The following PSD3 variants were observed in gnomAD, a reference collection of about 807,000 sequenced individuals.
PSD3 encodes PH and SEC7 domain-containing protein 3.
In PSD3, 49 loss-of-function variants were observed where a neutral mutation model predicts 105.5. The observed-to-expected ratio is 0.46, with a 90% confidence interval of 0.37 to 0.59. The LOEUF is 0.59. Among genes scored for constraint, PSD3 ranks in the 20% least tolerant of loss-of-function variants. PSD3 has a pLI of 0.00. For synonymous variants in PSD3, 557 were observed against 457.8 expected (o/e 1.22, Z -2.77); for missense variants, 1,561 against 1,263.8 (o/e 1.24, Z -3.57).
At chr8:18,807,182 A>G (rs1407989094) in intron 4 of PSD3, among the ~76,000 whole-genome samples, 1 of 152,134 alleles carries the variant, frequency 6.6e-6, no homozygotes, top group Non-Finnish European at 1.5e-5. Flanking sequence ...ATTCTACCTC[A>G]TTTACAAGTT....
intron 8 of PSD3, among the ~76,000 whole-genome samples, chr8:18,774,381 T>C (rs2129444652): frequency 6.6e-6 from 1 of 152,312 alleles, no homozygotes; most frequent in East Asian, 1.9e-4. Flanking sequence ...TTGGGAACAT[T>C]TCAATTGCTC....
Position 18,980,853 on chromosome 8 carries a change from AGTGC to A in PSD3, c.21+32706_21+32709del, listed in dbSNP as rs1465884541. Among the ~76,000 whole-genome samples, 17 of 152,164 alleles carry A rather than the reference AGTGC, an allele frequency of 1.1e-4. No homozygotes were observed. In the East Asian group the frequency reaches 3.1e-3, roughly 28 times the overall value. The stretch of plus-strand genomic sequence containing the variant: ...TCCCCACTCCTAATTCGGAACACTG[AGTGC>A]TTCCGCCACAGTGAACCTCTTTCAG... On this transcript the variant is annotated intron_variant, in intron 1 of 15. Coordinates refer to ENST00000327040, the MANE Select transcript of PSD3 (RefSeq NM_015310.4).
At chr8:18,700,665 C>T (rs565225021) in intron 9 of PSD3, among the ~76,000 whole-genome samples, 3 of 152,374 alleles carry the variant, frequency 2.0e-5, no homozygotes, top group African/African-American at 7.2e-5. Flanking sequence ...ATGGGTTTCA[C>T]ACCATCACAC....
intron 4 of PSD3, among the ~76,000 whole-genome samples, chr8:18,810,151 G>A (rs1316296326): frequency 1.3e-5 from 2 of 152,058 alleles, no homozygotes; most frequent in Non-Finnish European, 2.9e-5. Context: ...GCCCTACCAT[G>A]CCAAATTCTG....
intron 4 of PSD3, among the ~76,000 whole-genome samples, chr8:18,862,281 AC>A (rs1212539881): frequency 1.3e-5 from 2 of 152,022 alleles, no homozygotes; most frequent in Non-Finnish European, 2.9e-5. Context: ...AAAAATACGC[AC>A]CTAGAAAGTG....
chr8:18,642,440 T>A (rs1807716868), intron 10 of PSD3, among the ~76,000 whole-genome samples: 1 of 152,194 alleles, frequency 6.6e-6, no homozygotes, highest in African/African-American at 2.4e-5. Context: ...ATTCAGAAAC[T>A]ATATTTATTA....
chr8:18,836,276 C>A (rs1054348486), intron 4 of PSD3, among the ~76,000 whole-genome samples: 37 of 152,274 alleles, frequency 2.4e-4, no homozygotes, highest in African/African-American at 8.7e-4. Context: ...AAAAAGCAAA[C>A]ATGCTCAGGT....
chr8:19,081,713 T>G (rs1829651805), intron 1 of PSD3, among the ~76,000 whole-genome samples: 1 of 152,228 alleles, frequency 6.6e-6, no homozygotes, highest in African/African-American at 2.4e-5. Flanking sequence ...CTTGGAAAGA[T>G]GCAAGCCAAG....
At position 18,846,207 on chromosome 8, in the gene PSD3, T is replaced by C. The variant is rs570039225; in HGVS notation, c.1634+21467A>G. On this transcript the variant is annotated intron_variant, in intron 4 of 15. Transcript: ENST00000327040. ...CGTATCAGTAGCAATACAAATGTTT[T>C]GATTGTGATATCATTACCAAGAAGG... 4.6e-5 allele frequency among the ~76,000 whole-genome samples: 7 copies of C among 152,304 alleles called. No homozygotes were observed. The South Asian group carries it at 1.5e-3, about 32-fold the overall frequency.
chr8:18,981,268 A>C (rs1276496882), intron 1 of PSD3, among the ~76,000 whole-genome samples: 1 of 152,220 alleles, frequency 6.6e-6, no homozygotes, highest in African/African-American at 2.4e-5. Context: ...AAATCAGGAA[A>C]GACGCAAGAA....
At chr8:18,898,126 G>A (rs546682984) in intron 2 of PSD3, among the ~76,000 whole-genome samples, 3 of 152,142 alleles carry the variant, frequency 2.0e-5, no homozygotes, top group Non-Finnish European at 4.4e-5. Context: ...CTGAGAGTTT[G>A]ATTAAAGTGC....
intron 11 of PSD3, among the ~76,000 whole-genome samples, chr8:18,620,052 G>A (rs755747429): frequency 2.6e-5 from 4 of 152,126 alleles, no homozygotes; most frequent in Admixed American, 6.5e-5. Context: ...CTGCTTCTAC[G>A]TGATAAGGGC....
intron 2 of PSD3, among the ~76,000 whole-genome samples, chr8:18,904,025 T>A (rs1819680542): frequency 6.6e-6 from 1 of 152,136 alleles, no homozygotes; most frequent in South Asian, 2.1e-4. Flanking sequence ...AACTGAGTAA[T>A]TTATAAAGAA....
chr8:18,812,734 A>C (rs1244185161), intron 4 of PSD3, among the ~76,000 whole-genome samples: 1 of 152,192 alleles, frequency 6.6e-6, no homozygotes, highest in African/African-American at 2.4e-5. Context: ...TGGCTATCCA[A>C]GTAGGATGTG....
At chr8:18,777,193 C>G (rs1808185930) in intron 8 of PSD3, among the ~76,000 whole-genome samples, 1 of 152,028 alleles carries the variant, frequency 6.6e-6, no homozygotes, top group South Asian at 2.1e-4. Flanking sequence ...CAGGCATGCA[C>G]CACCACGCCC....
At chr8:18,563,934 G>T (rs565086552) in intron 14 of PSD3, among the ~76,000 whole-genome samples, 1 of 152,268 alleles carries the variant, frequency 6.6e-6, no homozygotes, top group East Asian at 1.9e-4. Context: ...CCAAAGTGGG[G>T]TGTGTGTAGC....
chr8:18,615,588 G>A (rs749517590), intron 11 of PSD3, among the ~76,000 whole-genome samples: 6 of 152,218 alleles, frequency 3.9e-5, no homozygotes, highest in Non-Finnish European at 7.3e-5. Flanking sequence ...GTTCGTTTAT[G>A]TGAAAGGTGT....
In PSD3 at chr8:18,937,242, G is replaced by A. The variant is rs143877863; in HGVS notation, c.22-1100C>T. Among the ~76,000 whole-genome samples the A allele has an allele frequency of 4.1e-3, 618 of 152,262 alleles. 4 individuals are homozygous for A. Among genetic ancestry groups the A allele is most frequent in the African/African-American group, 0.014 (572 of 41,544 alleles). On this transcript the variant is annotated intron_variant, in intron 1 of 15. Coordinates refer to ENST00000327040, the MANE Select transcript of PSD3 (RefSeq NM_015310.4). ...AATTTGACCTAGCACAGTCAGGGAC[G>A]CCTTCTTTTGCCTCTTTACTATGAA...
At position 18,804,582 on chromosome 8, in the gene PSD3, A is replaced by G. The variant is rs550795880; in HGVS notation, c.1850T>C (p.Val617Ala). ...AAAAAACTTCAGATATTCTTCTGCA[A>G]CTAGTTTGCTAAATTCGTTGCTATA... ...LGKNNEFSKL[V>A]AEEYLKFFDF... The change falls in exon 6 of 16, where the codon GTT becomes GCT. Residue 617 changes from valine to alanine, a missense_variant. Coordinates refer to ENST00000327040, the MANE Select transcript of PSD3 (RefSeq NM_015310.4). The G allele has an allele frequency of 1.2e-6, 2 of 1,613,682 alleles. No individual in the cohort carries two copies. Among genetic ancestry groups the G allele is most frequent in the Admixed American group, 1.7e-5 (1 of 60,026 alleles).
Sources: allele counts gnomAD v4.1 joint callset (sites outside exome capture counted in the v4.1 genomes callset), GRCh38; gene constraint gnomAD v4.1.1; transcripts MANE v1.5; gene names NCBI Gene and HGNC (gene_info 2026-07-23, HGNC 2026-07-21).